The following RXFP2 variants were observed in gnomAD, a reference collection of about 807,000 sequenced individuals.
The protein encoded by RXFP2 is relaxin receptor 2.
Under a neutral mutation model 88.6 loss-of-function variants are expected in RXFP2, and 68 were observed. The observed-to-expected ratio is 0.77, with a 90% CI of 0.63 to 0.94. RXFP2 has a LOEUF of 0.94. Ranked by LOEUF, RXFP2 falls within the 40% of genes least tolerant of loss-of-function variation. The pLI is 0.00. For synonymous variants in RXFP2, 329 were observed against 306.8 expected (o/e 1.07, Z -0.76); for missense variants, 791 against 893.9 (o/e 0.88, Z 1.47).
rs866517279 is a variant in RXFP2 at position 31,781,695 on chromosome 13, GTA to G, written c.812_813del (p.Tyr271SerfsTer19). ...WVDLEGNRIK[Y>X]LTNSTFLSCD... ...GGGATTTGGAAGGCAATAGAATAAA[GTA>G]TCTCACAAATTCTACGTTTCTGTCG... On this transcript the variant is annotated frameshift_variant, in exon 10 of 18. Coordinates refer to ENST00000298386, the MANE Select transcript of RXFP2 (RefSeq NM_130806.5). LOFTEE classifies it high-confidence loss of function. 1.2e-6 allele frequency: 2 copies of G among 1,612,114 alleles called. No individual in the cohort carries two copies. The highest frequency in any genetic ancestry group is 1.7e-6 in the Non-Finnish European group (2 of 1,178,632).
At chr13:31,757,845 G>C (rs913293670) in intron 1 of RXFP2, among the ~76,000 whole-genome samples, 5 of 152,174 alleles carry the variant, frequency 3.3e-5, no homozygotes, top group Non-Finnish European at 7.3e-5. Context: ...TGTAATCCCG[G>C]CACTTTGGGA....
Position 31,765,075 on chromosome 13 carries a change from A to C in RXFP2, c.358A>C (p.Thr120Pro), listed in dbSNP as rs747200522. The C allele has an allele frequency of 6.2e-7, 1 of 1,611,856 alleles. No individual in the cohort carries two copies. The highest frequency in any genetic ancestry group is 8.5e-7 in the Non-Finnish European group (1 of 1,178,174). The change falls in exon 4 of 18, where the codon ACT becomes CCT. Residue 120 changes from threonine (T) to proline (P), a missense_variant. Physicochemically the swap from Thr to Pro is conservative, Grantham distance 38. Coordinates refer to ENST00000298386, the MANE Select transcript of RXFP2 (RefSeq NM_130806.5). ...QYPQCCDCKE[T>P]ELECVNGDLK... is the part of the protein sequence containing the mutation. ...TCCACAATGCTGTGACTGCAAAGAAACTGAATTGGAATGTGTAAATGGTGA... is the reference window on the plus strand; with the variant it reads ...TCCACAATGCTGTGACTGCAAAGAACCTGAATTGGAATGTGTAAATGGTGA...
intron 16 of RXFP2, among the ~76,000 whole-genome samples, chr13:31,796,038 C>CTTTT (rs776535132): frequency 8.1e-5 from 3 of 36,966 alleles, no homozygotes; most frequent in African/African-American, 1.2e-4. Context: ...ATGTGTTATT[C>CTTTT]TTTTTTTTTT....
At chr13:31,773,447 C>T (rs760260314) in intron 5 of RXFP2, among the ~76,000 whole-genome samples, 7 of 151,314 alleles carry the variant, frequency 4.6e-5, no homozygotes, top group Non-Finnish European at 7.4e-5. Context: ...TTCTAATAAT[C>T]TTTATTTACT....
At chr13:31,763,787 A>G (rs1357643492) in intron 3 of RXFP2, among the ~76,000 whole-genome samples, 1 of 152,166 alleles carries the variant, frequency 6.6e-6, no homozygotes, top group Non-Finnish European at 1.5e-5. Context: ...TAAGTTTCCA[A>G]CCACAGGTTT....
At chr13:31,757,366 G>A (rs1439014510) in intron 1 of RXFP2, among the ~76,000 whole-genome samples, 1 of 152,138 alleles carries the variant, frequency 6.6e-6, no homozygotes, top group Non-Finnish European at 1.5e-5. Context: ...AAAACATGAA[G>A]GATAATATCG....
At chr13:31,768,887 A>G (rs1284292886) in intron 5 of RXFP2, among the ~76,000 whole-genome samples, 1 of 152,112 alleles carries the variant, frequency 6.6e-6, no homozygotes, top group Non-Finnish European at 1.5e-5. Context: ...ATCCTCATTC[A>G]ATGACCCAAA....
intron 7 of RXFP2, 55 bp downstream of exon 7, chr13:31,775,444 T>A: frequency 8.2e-7 from 1 of 1,220,832 alleles, no homozygotes; most frequent in Non-Finnish European, 1.2e-6. Context: ...TGATGATATA[T>A]AACAGTGCTA....
At chr13:31,774,002 G>A (rs556209407) in intron 5 of RXFP2, among the ~76,000 whole-genome samples, 8 of 152,278 alleles carry the variant, frequency 5.3e-5, no homozygotes, top group African/African-American at 1.9e-4. Context: ...TCCTGACAGC[G>A]CAATTACGGA....
intron 3 of RXFP2, 45 bp from the exon 4 acceptor site, chr13:31,764,992 A>C (rs761606510): frequency 1.0e-6 from 1 of 1,000,166 alleles, no homozygotes; most frequent in Non-Finnish European, 1.6e-6. Context: ...GTCATAATTA[A>C]TGTATTTGTT....
intron 5 of RXFP2, among the ~76,000 whole-genome samples, chr13:31,769,939 A>C (rs1037971615): frequency 2.6e-5 from 4 of 152,210 alleles, no homozygotes; most frequent in African/African-American, 9.6e-5. Flanking sequence ...ACCTTCACCC[A>C]GGTCATGGAG....
intron 1 of RXFP2, among the ~76,000 whole-genome samples, chr13:31,755,811 T>C (rs1261027931): frequency 6.6e-6 from 1 of 152,168 alleles, no homozygotes; most frequent in Non-Finnish European, 1.5e-5. Context: ...AAATCTTTCA[T>C]CCACTACTGC....
At chr13:31,780,328 C>A (rs773563667) in intron 9 of RXFP2, among the ~76,000 whole-genome samples, 1 of 152,178 alleles carries the variant, frequency 6.6e-6, no homozygotes, top group Non-Finnish European at 1.5e-5. Flanking sequence ...TCTCCTCTTC[C>A]GTTACTTGCT....
chr13:31,762,989 T>C (rs903564504), intron 3 of RXFP2, among the ~76,000 whole-genome samples: 3 of 152,042 alleles, frequency 2.0e-5, no homozygotes, highest in African/African-American at 7.2e-5. Context: ...GTGAGGAAGA[T>C]TATTTCATTA....
chr13:31,746,469 T>A (rs2138383937), intron 1 of RXFP2, among the ~76,000 whole-genome samples: 1 of 152,326 alleles, frequency 6.6e-6, no homozygotes, highest in South Asian at 2.1e-4. Context: ...TAACAAATAG[T>A]ATAGTTCAAA....
chr13:31,769,917 A>G (rs943212625), intron 5 of RXFP2, among the ~76,000 whole-genome samples: 1 of 152,222 alleles, frequency 6.6e-6, no homozygotes, highest in Non-Finnish European at 1.5e-5. Flanking sequence ...TCATCTGCAA[A>G]TAAGATCAAC....
chr13:31,743,495 T>G (rs1005604736), intron 1 of RXFP2, among the ~76,000 whole-genome samples: 2 of 151,930 alleles, frequency 1.3e-5, no homozygotes, highest in Non-Finnish European at 2.9e-5. Flanking sequence ...AATTAAAGAA[T>G]TGCGATTGAA....
chr13:31,753,435 C>A (rs1357695714), intron 1 of RXFP2, among the ~76,000 whole-genome samples: 2 of 152,100 alleles, frequency 1.3e-5, no homozygotes, highest in African/African-American at 4.8e-5. Flanking sequence ...GTCGTATGTT[C>A]GAGCCTCCTC....
chr13:31,770,480 G>A (rs1273348373), intron 5 of RXFP2, among the ~76,000 whole-genome samples: 1 of 152,032 alleles, frequency 6.6e-6, no homozygotes, highest in African/African-American at 2.4e-5. Context: ...GGCTTTCACT[G>A]ACCTGCCATA....
Sources: gnomAD v4.1 joint callset for allele counts (sites outside exome capture counted in the v4.1 genomes callset) on GRCh38, gnomAD v4.1.1 for gene constraint, MANE v1.5 for transcripts, NCBI Gene and HGNC (gene_info 2026-07-23, HGNC 2026-07-21) for gene names.